CDH3: variants seen among roughly 807,000 people sequenced by gnomAD.
CDH3 encodes cadherin-3.
In CDH3, 54 loss-of-function variants were observed where a neutral mutation model predicts 82.0. The observed-to-expected ratio is 0.66, with a 90% CI of 0.53 to 0.83. The LOEUF (loss-of-function observed/expected upper bound fraction) is 0.83. Among genes scored for constraint, CDH3 ranks in the 40% least tolerant of loss-of-function variants. The pLI is 0.00. For missense variants in CDH3, 1,054 were observed against 1,084.6 expected (o/e 0.97, Z 0.40); for synonymous variants, 446 against 437.9 (o/e 1.02, Z -0.23).
intron 2 of CDH3, among the ~76,000 whole-genome samples, chr16:68,669,694 C>T (rs1960834771): frequency 6.6e-6 from 1 of 152,092 alleles, no homozygotes; most frequent in South Asian, 2.1e-4. Flanking sequence ...ATCCATTAGC[C>T]TCCTTCTGGG....
intron 12 of CDH3, among the ~76,000 whole-genome samples, chr16:68,690,034 T>TTA (rs1361699222): frequency 2.6e-5 from 4 of 152,154 alleles, no homozygotes; most frequent in Non-Finnish European, 5.9e-5. Context: ...GCCACTGATA[T>TTA]TATGTTCGTC....
intron 1 of CDH3, among the ~76,000 whole-genome samples, chr16:68,720,024 A>C (rs1049847146): frequency 6.6e-6 from 1 of 152,014 alleles, no homozygotes; most frequent in Non-Finnish European, 1.5e-5. Context: ...GCATGGTGGC[A>C]TGCCCACCTG....
intron 1 of CDH3, among the ~76,000 whole-genome samples, chr16:68,712,389 G>GA (rs958172431): frequency 6.6e-6 from 1 of 151,950 alleles, no homozygotes; most frequent in African/African-American, 2.4e-5. Context: ...TGGCCAAGCA[G>GA]AATTTCAAAA....
downstream of CDH3, among the ~76,000 whole-genome samples, chr16:68,731,868 A>G (rs998365449): frequency 2.1e-4 from 32 of 151,998 alleles, no homozygotes; most frequent in South Asian, 2.3e-3. Context: ...TTCTGCAAAG[A>G]CAAAAATAAA....
chr16:68,672,235 A>G (rs1960905388), intron 2 of CDH3, among the ~76,000 whole-genome samples: 1 of 144,074 alleles, frequency 6.9e-6, no homozygotes, highest in African/African-American at 2.6e-5. Context: ...AAAAAAGAAA[A>G]TAAGTTTCTG....
chr16:68,715,894 G>C (rs914877036), intron 1 of CDH3, among the ~76,000 whole-genome samples: 2 of 152,208 alleles, frequency 1.3e-5, no homozygotes, highest in African/African-American at 4.8e-5. Flanking sequence ...AACTCCACTT[G>C]GAGAAGTTCA....
downstream of CDH3, among the ~76,000 whole-genome samples, chr16:68,729,933 C>T (rs1962266482): frequency 6.6e-6 from 1 of 152,116 alleles, no homozygotes; most frequent in Admixed American, 6.6e-5. Context: ...CACGCCCAAC[C>T]CAAACTATTA....
intron 2 of CDH3, among the ~76,000 whole-genome samples, chr16:68,675,794 A>G (rs1447124903): frequency 7.0e-6 from 1 of 142,804 alleles, no homozygotes; most frequent in Non-Finnish European, 1.5e-5. Context: ...CTCTGCCTCG[A>G]AAAAAAAAAA....
chr16:68,697,308 A>AG (rs1231731933), intron 15 of CDH3, among the ~76,000 whole-genome samples: 1 of 150,606 alleles, frequency 6.6e-6, no homozygotes, highest in Non-Finnish European at 1.5e-5. Flanking sequence ...TGGGCAACAA[A>AG]GGGAGATTCC....
At chr16:68,718,532 A>AG (rs2152110956) in intron 1 of CDH3, among the ~76,000 whole-genome samples, 1 of 151,952 alleles carries the variant, frequency 6.6e-6, no homozygotes, top group Admixed American at 6.6e-5. Context: ...ATACAAAAAA[A>AG]TTAGCCAGGT....
At chr16:68,713,003 C>A (rs1200187243) in intron 1 of CDH3, among the ~76,000 whole-genome samples, 1 of 151,956 alleles carries the variant, frequency 6.6e-6, no homozygotes, top group Non-Finnish European at 1.5e-5. Context: ...TCTTAAGCAG[C>A]CCCCTCGCAG....
chr16:68,716,770 C>T (rs1344628653), intron 1 of CDH3, among the ~76,000 whole-genome samples: 1 of 152,044 alleles, frequency 6.6e-6, no homozygotes, highest in African/African-American at 2.4e-5. Context: ...GTCTGTCAGG[C>T]TGGAGTGCCT....
intron 2 of CDH3, among the ~76,000 whole-genome samples, chr16:68,668,590 G>A (rs1271740619): frequency 6.6e-6 from 1 of 152,150 alleles, no homozygotes; most frequent in Admixed American, 6.5e-5. Flanking sequence ...GCTTTTTCAT[G>A]AAATCTCCGT....
chr16:68,688,681 C>T (rs1961483763), intron 12 of CDH3, among the ~76,000 whole-genome samples: 1 of 152,142 alleles, frequency 6.6e-6, no homozygotes. Flanking sequence ...GACTGGAGTG[C>T]AGTGGCACAA....
intron 1 of CDH3, among the ~76,000 whole-genome samples, chr16:68,706,083 A>G (rs1276633739): frequency 1.3e-5 from 2 of 148,348 alleles, no homozygotes; most frequent in African/African-American, 5.1e-5. Context: ...AAAAAAAAAA[A>G]GAGCCCAGCA....
chr16:68,689,153 C>G (rs770820804), intron 12 of CDH3, among the ~76,000 whole-genome samples: 1 of 152,208 alleles, frequency 6.6e-6, no homozygotes, highest in Non-Finnish European at 1.5e-5. Context: ...CCCTAAGCCT[C>G]AATTTCTGCA....
rs1555505631 is a variant in CDH3 at position 68,672,201 on chromosome 16, A to AAAATAAAT, written c.161-4176_161-4169dup. On this transcript the variant is annotated intron_variant, in intron 2 of 15. Transcript: ENST00000264012. The stretch of plus-strand genomic sequence containing the variant: ...GCGAGACTCCGTCTCAAAAAAAAAA[A>AAAATAAAT]AAATAAATAAATAAAAAATAAAAAA... Among the ~76,000 whole-genome samples, 10 of 145,208 alleles carry AAAATAAAT rather than the reference A, an allele frequency of 6.9e-5. 1 individual carries two copies. Among genetic ancestry groups the AAAATAAAT allele is most frequent in the South Asian group, 4.3e-4 (2 of 4,662 alleles).
intron 13 of CDH3, among the ~76,000 whole-genome samples, chr16:68,693,370 C>G (rs892516850): frequency 2.6e-5 from 4 of 151,976 alleles, no homozygotes; most frequent in Admixed American, 1.3e-4. Flanking sequence ...TGATGGGAGG[C>G]TCAGGCTAGG....
the CDH3 span, among the ~76,000 whole-genome samples, chr16:68,732,978 AG>A: frequency 1.7e-5 from 2 of 119,992 alleles, no homozygotes; most frequent in African/African-American, 6.3e-5. Flanking sequence ...AGCCTGGGGG[AG>A]GGGAGGCTCC....
Sources: gnomAD v4.1 joint callset for allele counts (sites outside exome capture counted in the v4.1 genomes callset) on GRCh38, gnomAD v4.1.1 for gene constraint, MANE v1.5 for transcripts, NCBI Gene and HGNC (gene_info 2026-07-23, HGNC 2026-07-21) for gene names.